The following MMP20 variants were observed in gnomAD, a reference collection of about 807,000 sequenced individuals.
MMP20 encodes the protein matrix metallopeptidase 20.
A neutral mutation model predicts 51.8 loss-of-function variants in MMP20; 50 were observed. The observed-to-expected ratio is 0.97, with a 90% CI of 0.77 to 1.22. The LOEUF is 1.22. Among genes scored for constraint, MMP20 ranks in the 50% most tolerant of loss-of-function variants. MMP20 has a pLI of 0.00. For missense variants in MMP20, 663 were observed against 601.4 expected, an observed-to-expected ratio of 1.10 and a Z score of -1.07; for synonymous variants, 244 against 216.2, an observed-to-expected ratio of 1.13 and a Z score of -1.13.
chr11:102,579,038 C>A lies in MMP20; in HGVS notation c.1351+1G>T, dbSNP rs915372668. ...AGAAAGTTTTCAGTGGAAACACTTA[C>A]CATTTAATTCTACAGCAGCATCGAT... On this transcript the variant is annotated splice_donor_variant, in intron 9 of 9. Coordinates refer to ENST00000260228, the MANE Select transcript of MMP20 (RefSeq NM_004771.4). LOFTEE classifies it high-confidence loss of function. 1 of 1,600,514 alleles carries A rather than the reference C, an allele frequency of 6.2e-7. No individual in the cohort carries two copies. Among genetic ancestry groups the A allele is most frequent in the Non-Finnish European group, 8.6e-7 (1 of 1,167,724 alleles).
At chr11:102,614,349 G>A (rs1271375410) in intron 2 of MMP20, among the ~76,000 whole-genome samples, 3 of 152,196 alleles carry the variant, frequency 2.0e-5, no homozygotes, top group South Asian at 2.1e-4. Flanking sequence ...ATGGGGAGGC[G>A]ATGGTAGAGT....
chr11:102,594,862 A>C, intron 6 of MMP20, 105 bp from the exon 7 acceptor site: 2 of 1,413,274 alleles, frequency 1.4e-6, no homozygotes, highest in Non-Finnish European at 1.9e-6. Context: ...CACTCACTAA[A>C]TGCCCTTTGC....
intron 2 of MMP20, among the ~76,000 whole-genome samples, chr11:102,615,811 G>A (rs1446573606): frequency 1.3e-5 from 2 of 152,084 alleles, no homozygotes; most frequent in African/African-American, 4.8e-5. Context: ...ACATGTGCAA[G>A]GCCTGGGGCA....
At chr11:102,595,218 T>C (rs1300781441) in intron 6 of MMP20, among the ~76,000 whole-genome samples, 3 of 152,176 alleles carry the variant, frequency 2.0e-5, no homozygotes, top group Non-Finnish European at 4.4e-5. Flanking sequence ...TGAATGACCA[T>C]GTCCATTCCA....
intron 6 of MMP20, among the ~76,000 whole-genome samples, chr11:102,603,344 C>T (rs1232647859): frequency 7.2e-5 from 11 of 152,116 alleles, no homozygotes; most frequent in Admixed American, 5.9e-4. Context: ...GGACTTTTAG[C>T]GGCAGCTGGT....
At position 102,594,613 on chromosome 11, in the gene MMP20, T is replaced by A. The variant is rs752684543; in HGVS notation, c.1090+8A>T. The A allele has an allele frequency of 1.1e-5, 18 of 1,613,580 alleles. No individual in the cohort carries two copies. The highest frequency in any genetic ancestry group is 1.7e-4 in the Middle Eastern group (1 of 5,752). The stretch of plus-strand genomic sequence containing the variant: ...GCCATTTCTTTCTTTGAGGGATCTG[T>A]AGGGTACCTTTGAAGAAGTAAGCAG... On this transcript the variant is annotated splice_region_variant and intron_variant, in intron 7 of 9. Coordinates refer to ENST00000260228, the MANE Select transcript of MMP20 (RefSeq NM_004771.4).
At chr11:102,601,526 T>A (rs1247108799) in intron 6 of MMP20, among the ~76,000 whole-genome samples, 2 of 152,194 alleles carry the variant, frequency 1.3e-5, no homozygotes, top group Non-Finnish European at 2.9e-5. Context: ...TTCTTTAGAC[T>A]TTTTTTCTTT....
At chr11:102,616,729 A>G (rs980816660) in intron 2 of MMP20, 83 bp downstream of exon 2, 72 of 1,563,380 alleles carry the variant, frequency 4.6e-5, no homozygotes, top group Admixed American at 1.5e-4. Context: ...TATACGGATG[A>G]GAAGGAAAAT....
chr11:102,591,863 A>G (rs868420636), intron 8 of MMP20, among the ~76,000 whole-genome samples: 1 of 152,166 alleles, frequency 6.6e-6, no homozygotes, highest in African/African-American at 2.4e-5. Flanking sequence ...TTAAGTTTCA[A>G]TCCAGCCTGG....
chr11:102,623,518 T>A (rs1016878445), intron 1 of MMP20, among the ~76,000 whole-genome samples: 8 of 152,180 alleles, frequency 5.3e-5, no homozygotes, highest in Non-Finnish European at 1.0e-4. Context: ...CCATCACCCC[T>A]CCAGCCTCCT....
At chr11:102,625,065 T>A (rs1859803056) in intron 1 of MMP20, 129 bp downstream of exon 1, 1 of 1,231,992 alleles carries the variant, frequency 8.1e-7, no homozygotes, top group African/African-American at 1.5e-5. Context: ...TAGCATCAGT[T>A]AGACTTCAAT....
At chr11:102,577,464 G>A in intron 9 of MMP20, 38 bp from the exon 10 acceptor site, 1 of 1,333,758 alleles carries the variant, frequency 7.5e-7, no homozygotes, top group Non-Finnish European at 1.1e-6. Context: ...TACTGAAGAT[G>A]TCCAGCACAT....
intron 6 of MMP20, among the ~76,000 whole-genome samples, chr11:102,596,716 C>T (rs1859385211): frequency 1.3e-5 from 2 of 152,228 alleles, no homozygotes; most frequent in South Asian, 4.1e-4. Context: ...CCAGCTCAGG[C>T]TCTAGCTGCC....
rs563561182 is a variant in MMP20, at chr11:102,614,336, T to C, written c.375-2433A>G. Among the ~76,000 whole-genome samples, 3 of 152,298 alleles carry C rather than the reference T, an allele frequency of 2.0e-5. No individual in the cohort carries two copies. The South Asian group carries it at 6.2e-4, about 32-fold the overall frequency. ...ACTGTGATAGCCTCTAGTGTCCTTT[T>C]TCATGGGGAGGCGATGGTAGAGTTA... On this transcript the variant is annotated intron_variant, in intron 2 of 9. Transcript: ENST00000260228.
chr11:102,609,232 T>A (rs1009092046), intron 4 of MMP20, 134 bp from the exon 5 acceptor site: 1 of 850,856 alleles, frequency 1.2e-6, no homozygotes, highest in African/African-American at 1.7e-5. Flanking sequence ...ATTCAAAGGT[T>A]GGTAGGTTAT....
At position 102,609,045 on chromosome 11, in the gene MMP20, C is replaced by T; in HGVS notation, c.703G>A (p.Ala235Thr). 1 of 1,613,912 alleles carries T rather than the reference C, an allele frequency of 6.2e-7. No homozygotes were observed. Among genetic ancestry groups the T allele is most frequent in the East Asian group, 2.2e-5 (1 of 44,880 alleles). ...AHEFGHALGL[A>T]HSTDPSALMY... ...AGTGCTGATGGGTCTGTGGAATGGG[C>T]CAGGCCCAGGGCATGGCCAAATTCA... The change falls in exon 5 of 10, where the codon GCC (alanine) becomes ACC (threonine). Residue 235 changes from alanine (A) to threonine (T), a missense_variant. Coordinates refer to ENST00000260228, the MANE Select transcript of MMP20 (RefSeq NM_004771.4).
chr11:102,579,103 T>C lies in MMP20; in HGVS notation c.1287A>G (p.Pro429=), dbSNP rs200893460. Residue 429 remains proline, a synonymous_variant, in exon 9 of 10, where the codon CCA becomes CCG. Coordinates refer to ENST00000260228, the MANE Select transcript of MMP20 (RefSeq NM_004771.4). ...CTGAAAATTCTTCTTCAGTATTCTTTGGATAGTCTTTTTCCATTTTCCTTT... is the reference window on the plus strand; with the variant it reads ...CTGAAAATTCTTCTTCAGTATTCTTCGGATAGTCTTTTTCCATTTTCCTTT... ...ERKRKMEKDY[P]KNTEEEFSGV... is the part of the protein sequence containing the mutation. 3.7e-6 allele frequency: 6 copies of C among 1,613,748 alleles called. No homozygotes were observed. Among genetic ancestry groups the C allele is most frequent in the Middle Eastern group, 3.3e-4 (2 of 6,062 alleles).
At chr11:102,590,939 G>A (rs1349145907) in intron 8 of MMP20, among the ~76,000 whole-genome samples, 1 of 152,102 alleles carries the variant, frequency 6.6e-6, no homozygotes, top group Non-Finnish European at 1.5e-5. Context: ...AGGGAACTTG[G>A]GTCCCTGTTG....
chr11:102,623,722 G>A (rs1441229259), intron 1 of MMP20, among the ~76,000 whole-genome samples: 1 of 152,224 alleles, frequency 6.6e-6, no homozygotes, highest in African/African-American at 2.4e-5. Flanking sequence ...CTAAGGGGCA[G>A]GGCCAACTGT....
Sources: allele counts gnomAD v4.1 joint callset (sites outside exome capture counted in the v4.1 genomes callset), GRCh38; gene constraint gnomAD v4.1.1; transcripts MANE v1.5; gene names NCBI Gene and HGNC (gene_info 2026-07-23, HGNC 2026-07-21).